The following ADGRL3 variants were observed in gnomAD, a reference collection of about 807,000 sequenced individuals.
The protein encoded by ADGRL3 is calcium-independent alpha-latrotoxin receptor 3.
In ADGRL3, 62 loss-of-function variants were observed where a neutral mutation model predicts 153.5. That is an observed-to-expected ratio of 0.40 (90% confidence interval 0.33 to 0.50). The LOEUF is 0.50. ADGRL3 is among the 20% of genes least tolerant of loss of function. ADGRL3 has a pLI of 0.47. For synonymous variants in ADGRL3, 710 were observed against 672.5 expected (o/e 1.06, Z -0.86); for missense variants, 1,641 against 1,859.4 (o/e 0.88, Z 2.16).
chr4:61,867,515 C>CATATATATATATATATATATATATGCAT (rs1554050799), intron 9 of ADGRL3, among the ~76,000 whole-genome samples: 5 of 81,140 alleles, frequency 6.2e-5, no homozygotes, highest in Non-Finnish European at 8.2e-5. Flanking sequence ...AATATATATG[C>CATATATATATATATATATATATATGCAT]ATATATATAT....
At chr4:62,003,744 T>C (rs574956927) in intron 21 of ADGRL3, among the ~76,000 whole-genome samples, 1 of 152,158 alleles carries the variant, frequency 6.6e-6, no homozygotes, top group Non-Finnish European at 1.5e-5. Context: ...TTGTTTACCA[T>C]ATGGTATCAT....
chr4:62,063,572 T>C, intron 25 of ADGRL3: 1 of 699,910 alleles, frequency 1.4e-6, no homozygotes, highest in East Asian at 2.7e-5. Context: ...ATCCCTATAA[T>C]ACATTGCTTG....
chr4:61,794,120 C>T (rs575674707), intron 8 of ADGRL3, among the ~76,000 whole-genome samples: 1 of 152,132 alleles, frequency 6.6e-6, no homozygotes, highest in Non-Finnish European at 1.5e-5. Flanking sequence ...GTTATATTGC[C>T]CTTGAGAGAA....
intron 2 of ADGRL3, among the ~76,000 whole-genome samples, chr4:61,395,331 T>C (rs1437267628): frequency 1.3e-5 from 2 of 152,074 alleles, no homozygotes; most frequent in East Asian, 3.9e-4. Context: ...ACAGAGGAAA[T>C]GTATTATAAA....
intron 2 of ADGRL3, among the ~76,000 whole-genome samples, chr4:61,412,109 T>TG (rs56349529): frequency 2.7e-5 from 4 of 149,886 alleles, no homozygotes; most frequent in African/African-American, 9.8e-5. Context: ...TTTGTTTGTT[T>TG]TTTGGAGACT....
chr4:61,678,334 T>A (rs1186657077), intron 6 of ADGRL3, among the ~76,000 whole-genome samples: 1 of 151,994 alleles, frequency 6.6e-6, no homozygotes, highest in Non-Finnish European at 1.5e-5. Flanking sequence ...ACATTCATAT[T>A]TGTATGTTCA....
At chr4:61,778,879 G>A (rs895869658) in intron 8 of ADGRL3, among the ~76,000 whole-genome samples, 2 of 152,072 alleles carry the variant, frequency 1.3e-5, no homozygotes, top group African/African-American at 2.4e-5. Flanking sequence ...CCAACATGGC[G>A]AAACGCCATC....
chr4:61,399,592 A>G (rs1218314264), intron 2 of ADGRL3, among the ~76,000 whole-genome samples: 1 of 151,608 alleles, frequency 6.6e-6, no homozygotes, highest in African/African-American at 2.4e-5. Flanking sequence ...GAGAAATGTC[A>G]CTCTTCCATA....
chr4:61,694,176 ATTATTTTTTTT>A (rs1364463053), intron 6 of ADGRL3, among the ~76,000 whole-genome samples: 985 of 94,638 alleles, frequency 0.01, 69 homozygotes, highest in Middle Eastern at 0.032. Flanking sequence ...AAATTTTGTC[ATTATTTTTTTT>A]TTTTTTTTTT....
At chr4:61,308,229 C>A (rs2094871909) in intron 1 of ADGRL3, among the ~76,000 whole-genome samples, 1 of 152,112 alleles carries the variant, frequency 6.6e-6, no homozygotes. Context: ...AATCTAGTTT[C>A]TTAGCAATTC....
At chr4:61,981,053 C>A (rs899306353) in intron 18 of ADGRL3, among the ~76,000 whole-genome samples, 13 of 152,136 alleles carry the variant, frequency 8.5e-5, no homozygotes, top group Non-Finnish European at 1.9e-4. Context: ...AAGAAACTGA[C>A]AAATTGTCTT....
chr4:61,677,273 C>G (rs2095226750), intron 6 of ADGRL3: 1 of 298,098 alleles, frequency 3.4e-6, no homozygotes, highest in Admixed American at 4.8e-5. Flanking sequence ...TGAAAATGAG[C>G]AATACAATTT....
intron 9 of ADGRL3, among the ~76,000 whole-genome samples, chr4:61,883,195 T>G (rs1226496084): frequency 1.3e-5 from 2 of 152,210 alleles, no homozygotes; most frequent in Non-Finnish European, 2.9e-5. Context: ...TTTCTTCTTC[T>G]TCTTATCCTT....
intron 5 of ADGRL3, among the ~76,000 whole-genome samples, chr4:61,629,532 C>T (rs2093027495): frequency 1.3e-5 from 2 of 151,276 alleles, no homozygotes; most frequent in Admixed American, 1.3e-4. Context: ...GCCTGGCCAA[C>T]ATGGTAAAAT....
intron 3 of ADGRL3, among the ~76,000 whole-genome samples, chr4:61,510,734 C>G (rs554702987): frequency 6.6e-6 from 1 of 152,172 alleles, no homozygotes; most frequent in Admixed American, 6.5e-5. Context: ...ATTGCTTTGG[C>G]TATTGGGGCT....
intron 9 of ADGRL3, among the ~76,000 whole-genome samples, chr4:61,836,330 G>C (rs1285934769): frequency 6.6e-6 from 1 of 152,048 alleles, no homozygotes; most frequent in Non-Finnish European, 1.5e-5. Flanking sequence ...CTGTACTATG[G>C]AATAATATTT....
chr4:61,283,998 A>T (rs1159798376), intron 1 of ADGRL3, among the ~76,000 whole-genome samples: 1 of 151,966 alleles, frequency 6.6e-6, no homozygotes, highest in Non-Finnish European at 1.5e-5. Flanking sequence ...ATACAAAATC[A>T]CAAGGTTGTA....
intron 1 of ADGRL3, 71 bp downstream of exon 1, chr4:61,201,836 C>T (rs1734778285): frequency 1.3e-5 from 2 of 153,024 alleles, no homozygotes; most frequent in South Asian, 2.1e-4. Flanking sequence ...ATCCACCGGG[C>T]GGGCAACAAG....
intron 9 of ADGRL3, among the ~76,000 whole-genome samples, chr4:61,853,631 G>C (rs886285602): frequency 6.6e-6 from 1 of 152,222 alleles, no homozygotes; most frequent in African/African-American, 2.4e-5. Context: ...AAAGAAGCCT[G>C]CTTGTGTTTG....
Sources: gnomAD v4.1 joint callset for allele counts (sites outside exome capture counted in the v4.1 genomes callset) on GRCh38, gnomAD v4.1.1 for gene constraint, MANE v1.5 for transcripts, NCBI Gene and HGNC (gene_info 2026-07-23, HGNC 2026-07-21) for gene names.